Variants in SORCS3 observed in about 807,000 individuals in gnomAD.
The protein encoded by SORCS3 is sortilin related VPS10 domain containing receptor 3.
A neutral mutation model predicts 146.3 loss-of-function variants in SORCS3; 57 were observed. The observed-to-expected ratio is 0.39, with a 90% confidence interval of 0.31 to 0.49. SORCS3 has a LOEUF of 0.49. Among genes scored for constraint, SORCS3 ranks in the 20% least tolerant of loss-of-function variants. The pLI, the probability that SORCS3 is intolerant of heterozygous loss-of-function variation, is 0.92. For missense variants in SORCS3, 1,341 were observed against 1,575.5 expected (o/e 0.85, Z 2.52); for synonymous variants, 653 against 618.5 (o/e 1.06, Z -0.83).
intron 1 of SORCS3, among the ~76,000 whole-genome samples, chr10:104,773,854 C>G (rs1364806540): frequency 6.6e-6 from 1 of 152,200 alleles, no homozygotes; most frequent in African/African-American, 2.4e-5. Context: ...CAGTGCAGGT[C>G]TCTGAGATAT....
At chr10:104,756,477 A>T (rs2017052135) in intron 1 of SORCS3, among the ~76,000 whole-genome samples, 2 of 152,220 alleles carry the variant, frequency 1.3e-5, no homozygotes, top group Admixed American at 1.3e-4. Context: ...GAGCTCAAAG[A>T]GTTCAGCAGG....
intron 7 of SORCS3, among the ~76,000 whole-genome samples, chr10:105,137,195 G>A (rs2056064636): frequency 6.6e-6 from 1 of 152,124 alleles, no homozygotes; most frequent in African/African-American, 2.4e-5. Context: ...TCTCTGGCCA[G>A]CATTCAGGAA....
chr10:104,979,733 A>C (rs1589577110), intron 4 of SORCS3, among the ~76,000 whole-genome samples: 1 of 152,232 alleles, frequency 6.6e-6, no homozygotes, highest in African/African-American at 2.4e-5. Context: ...AAGCCACTGC[A>C]AATATATTTC....
At chr10:105,243,063 A>G (rs1455973720) in intron 20 of SORCS3, among the ~76,000 whole-genome samples, 1 of 137,088 alleles carries the variant, frequency 7.3e-6, no homozygotes, top group African/African-American at 2.7e-5. Context: ...TTATATATTT[A>G]TATATATTTA....
intron 5 of SORCS3, among the ~76,000 whole-genome samples, chr10:105,081,609 A>G (rs976872235): frequency 6.6e-6 from 1 of 152,196 alleles, no homozygotes; most frequent in Non-Finnish European, 1.5e-5. Flanking sequence ...CAAAGGGTTA[A>G]GTTGCTAAAA....
chr10:105,202,283 G>A (rs1361212763), intron 16 of SORCS3, among the ~76,000 whole-genome samples: 5 of 152,104 alleles, frequency 3.3e-5, no homozygotes. Flanking sequence ...ATTTAGCCCT[G>A]CAATTACCTT....
chr10:105,236,799 T>A (rs2056795291), intron 20 of SORCS3, among the ~76,000 whole-genome samples: 1 of 152,096 alleles, frequency 6.6e-6, no homozygotes, highest in Non-Finnish European at 1.5e-5. Context: ...ATTGAATGAG[T>A]CACTTAATTT....
chr10:105,042,942 G>A, intron 4 of SORCS3, 113 bp from the exon 5 acceptor site: 1 of 796,298 alleles, frequency 1.3e-6, no homozygotes, highest in Non-Finnish European at 2.2e-6. Flanking sequence ...TAAAATAAAT[G>A]CCTACTTGGG....
chr10:104,736,774 CTT>C (rs141199251), intron 1 of SORCS3, among the ~76,000 whole-genome samples: 111,624 of 145,864 alleles, frequency 0.77, 42,614 homozygotes, highest in East Asian at 0.93. Context: ...GGCATGTTTT[CTT>C]TTTTTTTTTT....
At chr10:105,260,684 C>T (rs898490673) in intron 25 of SORCS3, among the ~76,000 whole-genome samples, 6 of 152,220 alleles carry the variant, frequency 3.9e-5, no homozygotes, top group East Asian at 1.9e-4. Context: ...TTCCACATTT[C>T]GCATCATTTG....
chr10:104,727,739 A>C (rs1362187138), intron 1 of SORCS3, among the ~76,000 whole-genome samples: 1 of 152,062 alleles, frequency 6.6e-6, no homozygotes, highest in African/African-American at 2.4e-5. Flanking sequence ...GAGGTAGGTG[A>C]GCGGTGTGCA....
At chr10:104,792,366 T>C (rs2017505005) in intron 1 of SORCS3, among the ~76,000 whole-genome samples, 2 of 152,328 alleles carry the variant, frequency 1.3e-5, no homozygotes, top group South Asian at 2.1e-4. Flanking sequence ...ATTTGTCCAG[T>C]GCAGCTTTGA....
At position 104,838,417 on chromosome 10, in the gene SORCS3, G is replaced by A. The variant is rs1013063757; in HGVS notation, c.628-4375G>A. On this transcript the variant is annotated intron_variant, in intron 1 of 26. Coordinates refer to ENST00000369701, the MANE Select transcript of SORCS3 (RefSeq NM_014978.3). ...AAGGCTGTGAGTGGTGGGAGAGGTC[G>A]GGGTGGGCAGGCTTTCTCTTGCTCT... 5.9e-5 allele frequency among the ~76,000 whole-genome samples: 9 copies of A among 151,986 alleles called. No individual in the cohort carries two copies. In the East Asian group the frequency reaches 9.8e-4, roughly 17 times the overall value.
At chr10:105,242,478 ATATATT>A (rs1227507563) in intron 20 of SORCS3, among the ~76,000 whole-genome samples, 30 of 71,224 alleles carry the variant, frequency 4.2e-4, no homozygotes, top group South Asian at 8.9e-4. Flanking sequence ...TTATATATTT[ATATATT>A]TATATATTTA....
At chr10:105,056,956 C>A (rs1198874339) in intron 5 of SORCS3, among the ~76,000 whole-genome samples, 1 of 152,158 alleles carries the variant, frequency 6.6e-6, no homozygotes, top group East Asian at 1.9e-4. Flanking sequence ...TTACACCTAA[C>A]ATTAACAGTT....
chr10:104,729,880 C>A (rs2016686424), intron 1 of SORCS3, among the ~76,000 whole-genome samples: 1 of 152,248 alleles, frequency 6.6e-6, no homozygotes, highest in Non-Finnish European at 1.5e-5. Flanking sequence ...AATCTGCCAA[C>A]AGACTATGTG....
rs1489081902 is a variant in SORCS3 at position 104,783,552 on chromosome 10, GC to G, written c.628-59236del. Reference sequence around the variant, plus strand: ...AGTTCAGCCTGGCCAACATGATGAAGCCCCGTCTCTGCAAAAATTCAAAAAT... The same window carrying G: ...AGTTCAGCCTGGCCAACATGATGAAGCCCGTCTCTGCAAAAATTCAAAAAT... On this transcript the variant is annotated intron_variant, in intron 1 of 26. Coordinates refer to ENST00000369701, the MANE Select transcript of SORCS3 (RefSeq NM_014978.3). Among the ~76,000 whole-genome samples, 11 of 152,186 alleles carry G rather than the reference GC, an allele frequency of 7.2e-5. No individual in the cohort carries two copies. In the East Asian group the frequency reaches 2.1e-3, roughly 29 times the overall value.
intron 23 of SORCS3, 119 bp from the exon 24 acceptor site, chr10:105,255,583 T>C: frequency 1.5e-6 from 1 of 668,816 alleles, no homozygotes; most frequent in Non-Finnish European, 2.7e-6. Flanking sequence ...TTTCACTATC[T>C]TATCCCTAAT....
At chr10:105,118,048 C>G (rs2055905364) in intron 7 of SORCS3, among the ~76,000 whole-genome samples, 1 of 152,066 alleles carries the variant, frequency 6.6e-6, no homozygotes. Flanking sequence ...TTCTAGGTTC[C>G]TTTTCTCTGT....
Sources: allele counts gnomAD v4.1 joint callset (sites outside exome capture counted in the v4.1 genomes callset), GRCh38; gene constraint gnomAD v4.1.1; transcripts MANE v1.5; gene names NCBI Gene and HGNC (gene_info 2026-07-23, HGNC 2026-07-21).